PREX1: variants seen among roughly 807,000 people sequenced by gnomAD.
PREX1 encodes the protein phosphatidylinositol-3,4,5-trisphosphate dependent Rac exchange factor 1, also known as phosphatidylinositol 3,4,5-trisphosphate-dependent Rac exchanger 1 protein.
In PREX1, 41 loss-of-function variants were observed where a neutral mutation model predicts 198.3. That is an observed-to-expected ratio of 0.21 (90% confidence interval 0.16 to 0.27). The LOEUF (loss-of-function observed/expected upper bound fraction) is 0.27. PREX1 is among the 10% of genes least tolerant of loss of function. PREX1 has a pLI of 1.00. For synonymous variants in PREX1, 843 were observed against 887.2 expected (o/e 0.95, Z 0.89); for missense variants, 1,620 against 2,200.7 (o/e 0.74, Z 5.28).
chr20:48,783,509 G>A (rs547579085), intron 1 of PREX1, among the ~76,000 whole-genome samples: 95 of 152,280 alleles, frequency 6.2e-4, no homozygotes, highest in African/African-American at 2.2e-3. Flanking sequence ...GCAATCCAGA[G>A]GTGGGGATGG....
intron 1 of PREX1, among the ~76,000 whole-genome samples, chr20:48,780,376 G>A (rs1264179546): frequency 6.6e-6 from 1 of 152,140 alleles, no homozygotes; most frequent in Non-Finnish European, 1.5e-5. Context: ...CCAGCACTTT[G>A]GGAGGTCAAA....
intron 1 of PREX1, among the ~76,000 whole-genome samples, chr20:48,767,582 C>T (rs567789394): frequency 3.3e-5 from 5 of 152,230 alleles, no homozygotes; most frequent in East Asian, 1.9e-4. Flanking sequence ...GAAATGCCAA[C>T]GCTTACGTTA....
chr20:48,833,974 T>G, the PREX1 span, among the ~76,000 whole-genome samples: 2 of 151,796 alleles, frequency 1.3e-5, no homozygotes, highest in African/African-American at 2.4e-5. Context: ...TCCCAGCTAC[T>G]CAGAAGCTGA....
At chr20:48,746,267 C>T (rs1357494693) in intron 2 of PREX1, among the ~76,000 whole-genome samples, 1 of 152,214 alleles carries the variant, frequency 6.6e-6, no homozygotes, top group African/African-American at 2.4e-5. Flanking sequence ...AGGCAATCTG[C>T]CTGCCTCAGC....
Position 48,679,368 on chromosome 20 carries a change from C to A in PREX1, c.1581G>T (p.Pro527=). 1 of 1,612,966 alleles carries A rather than the reference C, an allele frequency of 6.2e-7. No homozygotes were observed. ...TGGAAAGAGTAACTTACTTGATCAC[C>A]GGGGTGTAGAGGCTGTGAAGACGGC... ...LYCRLHSLYT[P]VIKDRDYHLK... is the part of the protein sequence containing the mutation. Residue 527 remains proline, a synonymous_variant, in exon 13 of 40, where the codon CCG becomes CCT. Transcript: ENST00000371941.
intron 27 of PREX1, among the ~76,000 whole-genome samples, chr20:48,644,097 G>A (rs2089433986): frequency 6.6e-6 from 1 of 152,186 alleles, no homozygotes; most frequent in Admixed American, 6.5e-5. Context: ...AACATTCATC[G>A]AACATGAAGT....
At chr20:48,733,048 C>T (rs1480919026) in intron 4 of PREX1, among the ~76,000 whole-genome samples, 1 of 152,186 alleles carries the variant, frequency 6.6e-6, no homozygotes, top group Non-Finnish European at 1.5e-5. Flanking sequence ...AAACCACTGT[C>T]CTTTGAGATG....
At chr20:48,821,763 G>C in intron 1 of PREX1, 1 of 152,228 alleles carries the variant, frequency 6.6e-6, no homozygotes, top group East Asian at 1.9e-4. Flanking sequence ...TGATAAAGGA[G>C]TATCTTTCTC....
chr20:48,875,331 A>G, the PREX1 span, among the ~76,000 whole-genome samples: 238 of 152,292 alleles, frequency 1.6e-3, no homozygotes, highest in Non-Finnish European at 2.5e-3. Flanking sequence ...AGGGCTGGGC[A>G]TTGTAGACAC....
chr20:48,862,790 A>AAAAAAAT, the PREX1 span, among the ~76,000 whole-genome samples: 149 of 102,532 alleles, frequency 1.5e-3, 3 homozygotes, highest in African/African-American at 4.3e-3. Flanking sequence ...TAAAAAAAAA[A>AAAAAAAT]ATATATATAT....
intron 39 of PREX1, among the ~76,000 whole-genome samples, chr20:48,626,584 C>T (rs1006849486): frequency 3.9e-5 from 6 of 152,298 alleles, no homozygotes; most frequent in African/African-American, 7.2e-5. Flanking sequence ...TTGGACAGTG[C>T]GTGGCACAGG....
At position 48,652,629 on chromosome 20, in the gene PREX1, G is replaced by A; in HGVS notation, c.2424C>T (p.Asp808=). Residue 808 remains aspartate (D), a synonymous_variant, in exon 21 of 40, where the codon GAC becomes GAT. Transcript: ENST00000371941. ...ARASQEASTE[D]PSGEQAQEED... is the part of the protein sequence containing the mutation. ...CCTCCTGGGCCTGCTCGCCACTGGG[G>A]TCCTCAGTGGAGGCCTCCTGACTGG... 6.2e-7 allele frequency: 1 copy of A among 1,613,554 alleles called. No homozygotes were observed. Among genetic ancestry groups the A allele is most frequent in the East Asian group, 2.2e-5 (1 of 44,848 alleles).
chr20:48,731,764 C>A (rs539012252), intron 4 of PREX1, among the ~76,000 whole-genome samples: 1 of 152,332 alleles, frequency 6.6e-6, no homozygotes, highest in South Asian at 2.1e-4. Flanking sequence ...TGCTGGCACC[C>A]CACGCATCCT....
In PREX1 at chr20:48,625,712, C is replaced by T; in HGVS notation, c.*173G>A. ...GGGCCAATCAGCCAGCTCGTCATCA[C>T]AGCGAGGGTGGCCAGGCTTGTCCCG... On this transcript the variant is annotated 3_prime_UTR_variant, in exon 40 of 40. Coordinates refer to ENST00000371941, the MANE Select transcript of PREX1 (RefSeq NM_020820.4). 1 of 772,644 alleles carries T rather than the reference C, an allele frequency of 1.3e-6. No homozygotes were observed. The allele number at this position is 772,644 out of a possible 1,614,324, so 47.9% of individuals were successfully genotyped here.
chr20:48,649,204 C>T, intron 25 of PREX1, 96 bp downstream of exon 25: 2 of 1,508,080 alleles, frequency 1.3e-6, no homozygotes, highest in Non-Finnish European at 1.8e-6. Flanking sequence ...CAGCCCACCC[C>T]CCACTACAAA....
intron 1 of PREX1, among the ~76,000 whole-genome samples, chr20:48,795,841 A>T (rs1225123142): frequency 6.6e-6 from 1 of 152,204 alleles, no homozygotes; most frequent in Non-Finnish European, 1.5e-5. Context: ...CCAGGAGCTC[A>T]GCCCCAAGCC....
chr20:48,846,851 G>GC, the PREX1 span, among the ~76,000 whole-genome samples: 1 of 152,136 alleles, frequency 6.6e-6, no homozygotes, highest in Non-Finnish European at 1.5e-5. Flanking sequence ...GCCGGCTGCA[G>GC]CCCCCACCCA....
chr20:48,700,651 A>G, intron 7 of PREX1, 102 bp downstream of exon 7: 1 of 1,483,068 alleles, frequency 6.7e-7, no homozygotes. Context: ...CAAACCCCTC[A>G]ACTCACAGGA....
intron 1 of PREX1, among the ~76,000 whole-genome samples, chr20:48,755,789 C>G (rs957938427): frequency 6.6e-6 from 1 of 152,216 alleles, no homozygotes; most frequent in Non-Finnish European, 1.5e-5. Context: ...TGAACCTAAT[C>G]CTAACTGACA....
Sources: gnomAD v4.1 joint callset for allele counts (sites outside exome capture counted in the v4.1 genomes callset) on GRCh38, gnomAD v4.1.1 for gene constraint, MANE v1.5 for transcripts, NCBI Gene and HGNC (gene_info 2026-07-23, HGNC 2026-07-21) for gene names.